ETS1: variants seen among roughly 807,000 people sequenced by gnomAD.
ETS1 encodes protein C-ets-1.
ETS1 carries 15 observed loss-of-function variants against 58.6 expected under a neutral mutation model. The ratio of observed to expected loss-of-function variants is 0.26; its 90% confidence interval spans 0.17 to 0.39. The LOEUF (loss-of-function observed/expected upper bound fraction) is 0.39, where lower values mean the gene tolerates loss of function less well. ETS1 is among the 10% of genes least tolerant of loss of function. The probability of loss-of-function intolerance (pLI) is 1.00; values close to 1 mark genes in which losing one functional copy is unlikely to be tolerated. For missense variants in ETS1, 417 were observed against 610.5 expected (o/e 0.68, Z 3.34); for synonymous variants, 214 against 218.2 (o/e 0.98, Z 0.17).
intron 3 of ETS1, among the ~76,000 whole-genome samples, chr11:128,540,372 CAATGA>C (rs1250250203): frequency 6.7e-6 from 1 of 148,364 alleles, no homozygotes; most frequent in Non-Finnish European, 1.5e-5. Flanking sequence ...AATTAAATTG[CAATGA>C]TAGCTGCACA....
At chr11:128,565,518 C>T (rs1215380579) in intron 2 of ETS1, among the ~76,000 whole-genome samples, 4 of 152,116 alleles carry the variant, frequency 2.6e-5, no homozygotes, top group Non-Finnish European at 5.9e-5. Flanking sequence ...TTCATTTAAC[C>T]TCTTAGGATC....
Position 128,462,270 on chromosome 11 carries a change from A to G in ETS1, c.*91T>C, listed in dbSNP as rs1266138722. ...GTAAAAAATGAGTTCTGGAAAATAA[A>G]AAATAGAATAACAATTCAAAATTCA... On this transcript the variant is annotated 3_prime_UTR_variant, in exon 10 of 10. Coordinates refer to ENST00000392668, the MANE Select transcript of ETS1 (RefSeq NM_001143820.2). The G allele has an allele frequency of 1.9e-6, 2 of 1,038,918 alleles. No individual in the cohort carries two copies. The highest frequency in any genetic ancestry group is 2.9e-6 in the Non-Finnish European group (2 of 700,666). The allele number at this position is 1,038,918 out of a possible 1,614,324, so 64.4% of individuals were successfully genotyped here.
rs191523490 is a variant in ETS1, at chr11:128,464,227, A to T, written c.1124-600T>A. ...TGCCCTTCCAGTCCACTTACAGGAA[A>T]GCACCCAAAGGAAAAAAAAAAAAAA... is the stretch of plus-strand genomic sequence containing the variant. On this transcript the variant is annotated intron_variant, in intron 8 of 9. Transcript: ENST00000392668. This position sits in a 1 kb window ranked among gnomAD's most constrained non-coding sequence, Gnocchi z 4.1. Among the ~76,000 whole-genome samples the T allele has an allele frequency of 7.9e-4, 119 of 150,984 alleles. No individual in the cohort carries two copies. The highest frequency in any genetic ancestry group is 1.3e-3 in the Non-Finnish European group (88 of 67,874).
chr11:128,549,250 C>G lies in ETS1; in HGVS notation c.214+7041G>C, dbSNP rs1864189194. On this transcript the variant is annotated intron_variant, in intron 3 of 9. Coordinates refer to ENST00000392668, the MANE Select transcript of ETS1 (RefSeq NM_001143820.2). This position sits in a 1 kb window ranked among gnomAD's most constrained non-coding sequence, Gnocchi z 4.3. The stretch of plus-strand genomic sequence containing the variant: ...CGGCGCAGCCCGCCCCCACCCTCCA[C>G]TCTCACGCGCCCCTCGCCCCTCGCC... 6.6e-6 allele frequency among the ~76,000 whole-genome samples: 1 copy of G among 151,238 alleles called. No homozygotes were observed. Among genetic ancestry groups the G allele is most frequent in the African/African-American group, 2.5e-5 (1 of 40,724 alleles).
At position 128,584,991 on chromosome 11, in the gene ETS1, G is replaced by GA. The variant is rs1229787802; in HGVS notation, c.-15+2496dup. 8.2e-3 allele frequency among the ~76,000 whole-genome samples: 97 copies of GA among 11,780 alleles called. 6 individuals are homozygous for GA. The highest frequency in any genetic ancestry group is 0.016 in the African/African-American group (53 of 3,254). The allele number at this position is 11,780 out of a possible 152,430, so 7.7% of individuals were successfully genotyped here. ...GAAAGAAAGAAAGAAAGAAAGAAAGGAAGGAAGGAAGGAAAGAAAGGAAAG... is the reference window on the plus strand; with the variant it reads ...GAAAGAAAGAAAGAAAGAAAGAAAGGAAAGGAAGGAAGGAAAGAAAGGAAAG... On this transcript the variant is annotated intron_variant, in intron 1 of 9. Coordinates refer to ENST00000392668, the MANE Select transcript of ETS1 (RefSeq NM_001143820.2).
At chr11:128,507,364 T>C (rs1453699824) in intron 3 of ETS1, among the ~76,000 whole-genome samples, 1 of 152,126 alleles carries the variant, frequency 6.6e-6, no homozygotes, top group Non-Finnish European at 1.5e-5. Flanking sequence ...CGACGGGTGG[T>C]GTGGCAGAAT....
intron 7 of ETS1, among the ~76,000 whole-genome samples, chr11:128,482,949 C>T (rs546676914): frequency 6.6e-6 from 1 of 152,324 alleles, no homozygotes; most frequent in Admixed American, 6.5e-5. Context: ...CATAGAAGCA[C>T]TCTGTACGCT....
intron 5 of ETS1, among the ~76,000 whole-genome samples, chr11:128,487,425 A>G (rs1862663600): frequency 6.6e-6 from 1 of 152,180 alleles, no homozygotes; most frequent in Non-Finnish European, 1.5e-5. Flanking sequence ...ACAGGATGGG[A>G]TGTTAAATTT....
At chr11:128,571,087 C>T (rs1333516471) in intron 2 of ETS1, among the ~76,000 whole-genome samples, 1 of 151,736 alleles carries the variant, frequency 6.6e-6, no homozygotes, top group Non-Finnish European at 1.5e-5. Context: ...TGTCTTTTCC[C>T]TTGAACAGAA....
chr11:128,511,883 G>A (rs1041453032), intron 3 of ETS1, among the ~76,000 whole-genome samples: 4 of 152,106 alleles, frequency 2.6e-5, no homozygotes, highest in African/African-American at 7.2e-5. Context: ...ACTTGGCATC[G>A]GTGCACTGCA....
chr11:128,461,588 G>A lies in ETS1; in HGVS notation c.*773C>T, dbSNP rs1445306034. On this transcript the variant is annotated 3_prime_UTR_variant, in exon 10 of 10. Coordinates refer to ENST00000392668, the MANE Select transcript of ETS1 (RefSeq NM_001143820.2). ...AGCATTAATTGTCCTTCTTATATAA[G>A]TCCCATGAATTTGGGATCCCTGATC... is the stretch of plus-strand genomic sequence containing the variant. The A allele has an allele frequency of 6.6e-6, 1 of 152,502 alleles. No homozygotes were observed. The highest frequency in any genetic ancestry group is 2.4e-5 in the African/African-American group (1 of 41,348). The allele number at this position is 152,502 out of a possible 1,614,324, so 9.4% of individuals were successfully genotyped here.
chr11:128,562,594 C>G (rs926817662), intron 2 of ETS1, among the ~76,000 whole-genome samples: 3 of 152,128 alleles, frequency 2.0e-5, no homozygotes, highest in African/African-American at 7.2e-5. Context: ...GAGCCCACAG[C>G]CTGAATGCTC....
chr11:128,462,256 G>A lies in ETS1; in HGVS notation c.*105C>T. 1.1e-6 allele frequency: 1 copy of A among 918,222 alleles called. No homozygotes were observed. Among genetic ancestry groups the A allele is most frequent in the African/African-American group, 1.7e-5 (1 of 60,118 alleles). The allele number at this position is 918,222 out of a possible 1,614,324, so 56.9% of individuals were successfully genotyped here. On this transcript the variant is annotated 3_prime_UTR_variant, in exon 10 of 10. Transcript: ENST00000392668. ...TCCCACCCCTGAAGGTAAAAAATGA[G>A]TTCTGGAAAATAAAAAATAGAATAA...
At chr11:128,561,294 T>G (rs935153013) in intron 2 of ETS1, among the ~76,000 whole-genome samples, 2 of 152,234 alleles carry the variant, frequency 1.3e-5, no homozygotes, top group African/African-American at 4.8e-5. Context: ...AAGACTCATT[T>G]GATGGTGCTG....
At chr11:128,565,258 G>A (rs1368476423) in intron 2 of ETS1, among the ~76,000 whole-genome samples, 3 of 152,140 alleles carry the variant, frequency 2.0e-5, no homozygotes, top group African/African-American at 4.8e-5. Context: ...CCTCCCTTCC[G>A]CCACTGAGGA....
intron 2 of ETS1, among the ~76,000 whole-genome samples, chr11:128,569,318 CTTTTTTTTTTTTT>C (rs398018017): frequency 2.8e-4 from 11 of 39,468 alleles, no homozygotes; most frequent in African/African-American, 2.2e-4. Flanking sequence ...AGAGTTTCTT[CTTTTTTTTTTTTT>C]TTTTTTTTTT....
At chr11:128,575,149 G>A (rs903986517) in intron 1 of ETS1, among the ~76,000 whole-genome samples, 3 of 152,116 alleles carry the variant, frequency 2.0e-5, no homozygotes, top group Admixed American at 1.3e-4. Flanking sequence ...ACCTCAGATA[G>A]TACAGAACCC....
At chr11:128,568,735 A>G (rs1469497166) in intron 2 of ETS1, among the ~76,000 whole-genome samples, 2 of 152,212 alleles carry the variant, frequency 1.3e-5, no homozygotes, top group Non-Finnish European at 2.9e-5. Context: ...TGTGGCTCCC[A>G]TGGTTTCCAG....
intron 2 of ETS1, among the ~76,000 whole-genome samples, chr11:128,568,389 G>A (rs753478646): frequency 9.9e-5 from 15 of 152,226 alleles, no homozygotes; most frequent in African/African-American, 4.8e-5. Context: ...TACTGGGCTT[G>A]CAAGGGACTT....
Sources: allele counts gnomAD v4.1 joint callset (sites outside exome capture counted in the v4.1 genomes callset), GRCh38; gene constraint gnomAD v4.1.1; non-coding constraint Gnocchi (gnomAD v3.1); transcripts MANE v1.5; gene names NCBI Gene and HGNC (gene_info 2026-07-23, HGNC 2026-07-21).